Variants in KLHL1 observed in about 807,000 individuals in gnomAD.
KLHL1 encodes kelch like family member 1.
KLHL1 carries 47 observed loss-of-function variants against 77.7 expected under a neutral mutation model. The observed-to-expected ratio is 0.60, with a 90% CI of 0.48 to 0.77. The LOEUF is 0.77. Among genes scored for constraint, KLHL1 ranks in the 30% least tolerant of loss-of-function variants. KLHL1 has a pLI of 0.00. For missense variants in KLHL1, 925 were observed against 910.8 expected (o/e 1.02, Z -0.20); for synonymous variants, 360 against 325.2 (o/e 1.11, Z -1.15).
chr13:69,872,008 C>T (rs1197503688), intron 5 of KLHL1, among the ~76,000 whole-genome samples: 5 of 152,114 alleles, frequency 3.3e-5, no homozygotes, highest in Non-Finnish European at 5.9e-5. Flanking sequence ...ACTGACTCTC[C>T]GTATCAATTT....
chr13:69,864,811 C>T (rs1352018439), intron 5 of KLHL1, among the ~76,000 whole-genome samples: 1 of 152,112 alleles, frequency 6.6e-6, no homozygotes, highest in Non-Finnish European at 1.5e-5. Context: ...AAGACACATA[C>T]CTCTAAATGA....
At chr13:69,895,811 A>T (rs901356295) in intron 4 of KLHL1, among the ~76,000 whole-genome samples, 1 of 148,910 alleles carries the variant, frequency 6.7e-6, no homozygotes, top group Non-Finnish European at 1.5e-5. Flanking sequence ...GGTTCAAGTG[A>T]TTCTCTTGAT....
intron 4 of KLHL1, among the ~76,000 whole-genome samples, chr13:69,939,372 T>TACATAC (rs1429939775): frequency 1.1e-5 from 1 of 90,668 alleles, no homozygotes; most frequent in Non-Finnish European, 2.2e-5. Flanking sequence ...TATATATATA[T>TACATAC]ATATATACAC....
intron 8 of KLHL1, among the ~76,000 whole-genome samples, chr13:69,731,570 T>C (rs960371253): frequency 6.6e-6 from 1 of 152,144 alleles, no homozygotes; most frequent in African/African-American, 2.4e-5. Context: ...TACAGATATT[T>C]TTTGATATTG....
At position 69,963,307 on chromosome 13, in the gene KLHL1, TTACTC is replaced by T. The variant is rs1418715314; in HGVS notation, c.681-1868_681-1864del. 2.0e-5 allele frequency among the ~76,000 whole-genome samples: 3 copies of T among 152,210 alleles called. No homozygotes were observed. In the South Asian group the frequency reaches 6.2e-4, roughly 31 times the overall value. ...GTACCAATTTATATTTGTTTTTAAT[TTACTC>T]TATTTGTTCTTCGGATTAATCTTTG... On this transcript the variant is annotated intron_variant, in intron 2 of 10. Transcript: ENST00000377844.
chr13:69,892,044 A>G (rs1881440772), intron 4 of KLHL1, among the ~76,000 whole-genome samples: 2 of 152,114 alleles, frequency 1.3e-5, no homozygotes, highest in African/African-American at 4.8e-5. Context: ...AGTAGTATTT[A>G]TTTTTATAAT....
Position 70,028,951 on chromosome 13 carries a change from C to A in KLHL1, c.498-53149G>T, listed in dbSNP as rs536238049. On this transcript the variant is annotated intron_variant, in intron 1 of 10. Coordinates refer to ENST00000377844, the MANE Select transcript of KLHL1 (RefSeq NM_020866.3). ...GTGATTGCGCCACTGCACTGCATTC[C>A]AGCTTGGATGACAGAGTGAAAACTT... is the stretch of plus-strand genomic sequence containing the variant. 5.1e-3 allele frequency among the ~76,000 whole-genome samples: 753 copies of A among 148,512 alleles called. 5 individuals carry two copies. Among genetic ancestry groups the A allele is most frequent in the African/African-American group, 0.018 (724 of 40,600 alleles).
At chr13:69,982,135 C>T (rs1884727247) in intron 1 of KLHL1, among the ~76,000 whole-genome samples, 1 of 151,574 alleles carries the variant, frequency 6.6e-6, no homozygotes, top group Admixed American at 6.6e-5. Context: ...AAAGCAAAAA[C>T]CTATTATAGA....
At chr13:69,719,331 C>T (rs755757260) in intron 9 of KLHL1, 38 bp downstream of exon 9, 2 of 1,571,190 alleles carry the variant, frequency 1.3e-6, no homozygotes, top group South Asian at 1.1e-5. Flanking sequence ...GTGATTTGCA[C>T]TGTCTCTTTC....
intron 1 of KLHL1, among the ~76,000 whole-genome samples, chr13:70,006,716 A>G (rs1885416214): frequency 6.6e-6 from 1 of 151,870 alleles, no homozygotes; most frequent in Non-Finnish European, 1.5e-5. Context: ...AGGGAGAAAG[A>G]TCCCAAAGGC....
At chr13:69,703,757 G>T (rs552259328) in intron 10 of KLHL1, among the ~76,000 whole-genome samples, 2 of 151,706 alleles carry the variant, frequency 1.3e-5, no homozygotes, top group African/African-American at 4.8e-5. Context: ...CCATTCTGTT[G>T]CAATTACCTA....
chr13:69,730,436 T>C (rs1215224608), intron 8 of KLHL1, among the ~76,000 whole-genome samples: 8 of 152,126 alleles, frequency 5.3e-5, no homozygotes, highest in Non-Finnish European at 1.2e-4. Flanking sequence ...TTGCTGTCAA[T>C]GTAAATGGTA....
intron 4 of KLHL1, among the ~76,000 whole-genome samples, chr13:69,934,444 T>C (rs970335009): frequency 6.6e-6 from 1 of 152,150 alleles, no homozygotes; most frequent in Non-Finnish European, 1.5e-5. Flanking sequence ...TTTATAATGA[T>C]AATTTATCAT....
At chr13:70,054,895 A>T (rs576925173) in intron 1 of KLHL1, among the ~76,000 whole-genome samples, 2 of 152,146 alleles carry the variant, frequency 1.3e-5, no homozygotes, top group African/African-American at 2.4e-5. Flanking sequence ...AAAGAAAAAA[A>T]TAATGAAAAA....
Position 69,719,600 on chromosome 13 carries a change from A to G in KLHL1, c.1803-19T>C. 2 of 1,591,308 alleles carry G rather than the reference A, an allele frequency of 1.3e-6. No homozygotes were observed. The highest frequency in any genetic ancestry group is 1.1e-5 in the South Asian group (1 of 90,324). On this transcript the variant is annotated intron_variant, in intron 8 of 10. Transcript: ENST00000377844. ...ATACAACCTAAAAACACAATTGGAA[A>G]AATGTGATTTAATATCATAGTCTGG...
At chr13:69,797,149 A>T (rs17728004) in intron 6 of KLHL1, among the ~76,000 whole-genome samples, 187 bp from the exon 7 acceptor site, 37,368 of 152,062 alleles carry the variant, frequency 0.25, 4,725 homozygotes, top group South Asian at 0.34. Context: ...GCAGACATGA[A>T]TGATCAAAAT....
At chr13:69,997,167 G>A (rs937835216) in intron 1 of KLHL1, among the ~76,000 whole-genome samples, 4 of 151,594 alleles carry the variant, frequency 2.6e-5, no homozygotes, top group Non-Finnish European at 4.4e-5. Context: ...GTTGCAGTGA[G>A]CCAATATCAC....
At chr13:70,064,376 C>G (rs889393911) in intron 1 of KLHL1, among the ~76,000 whole-genome samples, 1 of 151,944 alleles carries the variant, frequency 6.6e-6, no homozygotes, top group African/African-American at 2.4e-5. Flanking sequence ...GTGTACTTAC[C>G]TCACCATAAA....
intron 8 of KLHL1, among the ~76,000 whole-genome samples, chr13:69,727,416 A>G (rs1330137781): frequency 6.6e-6 from 1 of 152,100 alleles, no homozygotes; most frequent in Non-Finnish European, 1.5e-5. Context: ...TCACAAGTTA[A>G]TAAGAAAAAG....
Sources: gnomAD v4.1 joint callset for allele counts (sites outside exome capture counted in the v4.1 genomes callset) on GRCh38, gnomAD v4.1.1 for gene constraint, MANE v1.5 for transcripts, NCBI Gene and HGNC (gene_info 2026-07-23, HGNC 2026-07-21) for gene names.